Variants in THOP1 observed in about 807,000 individuals in gnomAD.
The protein encoded by THOP1 is thimet oligopeptidase 1, also known as thimet oligopeptidase.
In THOP1, 49 loss-of-function variants were observed where a neutral mutation model predicts 71.8. The observed-to-expected ratio is 0.68, with a 90% CI of 0.54 to 0.87. THOP1 has a LOEUF of 0.87. Among genes scored for constraint, THOP1 ranks in the 40% least tolerant of loss-of-function variants. The probability of loss-of-function intolerance (pLI) is 0.00; values close to 1 mark genes in which losing one functional copy is unlikely to be tolerated. For missense variants in THOP1, 843 were observed against 975.6 expected (o/e 0.86, Z 1.81); for synonymous variants, 426 against 421.5 (o/e 1.01, Z -0.13).
chr19:2,786,981 T>G (rs1915759819), intron 1 of THOP1: 2 of 151,288 alleles, frequency 1.3e-5, no homozygotes, highest in African/African-American at 4.9e-5. Flanking sequence ...GATCTCCATC[T>G]CCTGACCTCG....
At chr19:2,791,245 C>T (rs1232089458) in intron 2 of THOP1, among the ~76,000 whole-genome samples, 2 of 152,218 alleles carry the variant, frequency 1.3e-5, no homozygotes, top group African/African-American at 4.8e-5. Context: ...GCTTCCCGAG[C>T]TCTGCCTAAG....
At position 2,800,121 on chromosome 19, in the gene THOP1, T is replaced by G. The variant is rs116797320; in HGVS notation, c.589+330T>G. Among the ~76,000 whole-genome samples, 852 of 152,340 alleles carry G rather than the reference T, an allele frequency of 5.6e-3. 8 individuals carry two copies. Among genetic ancestry groups the G allele is most frequent in the African/African-American group, 0.02 (817 of 41,588 alleles). On this transcript the variant is annotated intron_variant, in intron 5 of 12. Transcript: ENST00000307741. ...AGGGTGCCAGTCTCAGCCATGGCCC[T>G]GAGGGAACCACAATTTTCCCTTGAG...
At chr19:2,807,986 T>A in intron 8 of THOP1, 178 bp downstream of exon 8, 1 of 839,208 alleles carries the variant, frequency 1.2e-6, no homozygotes, top group South Asian at 2.0e-5. Flanking sequence ...CTGTCCCCGT[T>A]TCCAGTCTCA....
At chr19:2,810,910 C>T (rs1916446673) in intron 11 of THOP1, 142 bp downstream of exon 11, 2 of 1,339,176 alleles carry the variant, frequency 1.5e-6, no homozygotes, top group African/African-American at 2.9e-5. Context: ...TCCCAGGCTC[C>T]TCGGGGGACA....
At position 2,805,394 on chromosome 19, in the gene THOP1, G is replaced by A. The variant is rs1916265797; in HGVS notation, c.750+218G>A. 6.6e-6 allele frequency among the ~76,000 whole-genome samples: 1 copy of A among 152,222 alleles called. No individual in the cohort carries two copies. Among genetic ancestry groups the A allele is most frequent in the African/African-American group, 2.4e-5 (1 of 41,450 alleles). ...ACCCAGACCCTGGGGCCACAGCTCA[G>A]GGCCCAGTTCATCCTTCCCAAGCTG... On this transcript the variant is annotated intron_variant, in intron 6 of 12. Transcript: ENST00000307741. The surrounding 1 kb of genome is among the most constrained non-coding windows in gnomAD (Gnocchi z 6.6).
In THOP1 at chr19:2,813,128, A is replaced by G; in HGVS notation, c.1922A>G (p.Tyr641Cys). 5 of 1,610,358 alleles carry G rather than the reference A, an allele frequency of 3.1e-6. No individual in the cohort carries two copies. Among genetic ancestry groups the G allele is most frequent in the Non-Finnish European group, 4.2e-6 (5 of 1,178,832 alleles). The change falls in exon 13 of 13, where the codon TAC becomes TGC. Residue 641 changes from tyrosine to cysteine, a missense_variant. Transcript: ENST00000307741. ...GVLNSKVGMD[Y>C]RSCILRPGGS... is the part of the protein sequence containing the mutation. ...TCTCCTCGGCAGGTTGGCATGGATT[A>G]CAGAAGCTGCATCCTGAGACCCGGC...
intron 1 of THOP1, among the ~76,000 whole-genome samples, chr19:2,789,363 G>T (rs762385296): frequency 3.9e-5 from 6 of 152,146 alleles, no homozygotes; most frequent in Non-Finnish European, 5.9e-5. Context: ...CGCCCTTCCC[G>T]CAGCTGCTCT....
chr19:2,804,341 C>CAG lies in THOP1; in HGVS notation c.590-674_590-673dup, dbSNP rs1321027081. ...AGGGGTTTTGTGGGTGGAGAAGGGA[C>CAG]AGCAGGGCTCCAGTGAGAAGCTCTG... On this transcript the variant is annotated intron_variant, in intron 5 of 12. Transcript: ENST00000307741. The surrounding 1 kb of genome is among the most constrained non-coding windows in gnomAD (Gnocchi z 4.7). 6.6e-6 allele frequency among the ~76,000 whole-genome samples: 1 copy of CAG among 152,178 alleles called. No individual in the cohort carries two copies. The highest frequency in any genetic ancestry group is 6.5e-5 in the Admixed American group (1 of 15,276).
intron 2 of THOP1, among the ~76,000 whole-genome samples, chr19:2,792,642 A>G (rs775561407): frequency 6.6e-6 from 1 of 151,392 alleles, no homozygotes; most frequent in Non-Finnish European, 1.5e-5. Flanking sequence ...TATTATTATT[A>G]GGGTTTTTTT....
chr19:2,796,310 CT>C (rs1916012094), intron 4 of THOP1, 122 bp downstream of exon 4: 1 of 774,622 alleles, frequency 1.3e-6, no homozygotes, highest in African/African-American at 1.8e-5. Context: ...AGGGGGAGTG[CT>C]GGGCTCGGGG....
rs1293326348 is a variant in THOP1, at chr19:2,796,107, G to T, written c.405G>T (p.Arg135Ser). 5 of 1,613,910 alleles carry T rather than the reference G, an allele frequency of 3.1e-6. No homozygotes were observed. In the Admixed American group the frequency reaches 5.0e-5, roughly 16 times the overall value. The change falls in exon 4 of 13, where the codon AGG becomes AGT. Residue 135 changes from arginine (R) to serine (S), a missense_variant. Coordinates refer to ENST00000307741, the MANE Select transcript of THOP1 (RefSeq NM_003249.5). ...LQEKVQKDSL[R>S]PEAARYLERL... ...AGAAAGTTCAGAAGGACTCACTGAG[G>T]CCCGAGGCTGCGCGGTACCTGGAGC... is the stretch of plus-strand genomic sequence containing the variant.
intron 5 of THOP1, among the ~76,000 whole-genome samples, chr19:2,802,767 G>T (rs1210330685): frequency 6.6e-6 from 1 of 152,212 alleles, no homozygotes; most frequent in South Asian, 2.1e-4. Flanking sequence ...CTGGGCATCA[G>T]TCATCCTGCC....
intron 4 of THOP1, among the ~76,000 whole-genome samples, chr19:2,796,591 C>T (rs546559331): frequency 4.0e-5 from 5 of 123,720 alleles, no homozygotes; most frequent in South Asian, 2.8e-4. Flanking sequence ...GGGGAGTACT[C>T]GGCATGGGGA....
At chr19:2,798,606 G>A (rs112494162) in intron 4 of THOP1, among the ~76,000 whole-genome samples, 28 of 152,370 alleles carry the variant, frequency 1.8e-4, no homozygotes, top group African/African-American at 6.7e-4. Flanking sequence ...GGCAAGAGGG[G>A]GAGACATTGG....
intron 1 of THOP1, among the ~76,000 whole-genome samples, chr19:2,786,775 T>TTTTTTTTTTTTTTG: frequency 6.9e-6 from 1 of 144,554 alleles, no homozygotes; most frequent in Admixed American, 6.8e-5. Flanking sequence ...ATTTTTTTTT[T>TTTTTTTTTTTTTTG]TTTTTGGAGA....
chr19:2,796,088 T>C lies in THOP1; in HGVS notation c.386T>C (p.Val129Ala). ...TTGATGTTTTTATTCCAGGAGAAAGTTCAGAAGGACTCACTGAGGCCCGAG... is the reference window on the plus strand; with the variant it reads ...TTGATGTTTTTATTCCAGGAGAAAGCTCAGAAGGACTCACTGAGGCCCGAG... ...YQRIVWLQEK[V>A]QKDSLRPEAA... The change falls in exon 4 of 13, where the codon GTT (valine) becomes GCT (alanine). Residue 129 changes from valine (V) to alanine (A), a missense_variant. Transcript: ENST00000307741. 6.2e-7 allele frequency: 1 copy of C among 1,613,484 alleles called. No individual in the cohort carries two copies. Among genetic ancestry groups the C allele is most frequent in the East Asian group, 2.2e-5 (1 of 44,872 alleles).
At chr19:2,809,648 G>A (rs923781409) in intron 9 of THOP1, 4 of 152,632 alleles carry the variant, frequency 2.6e-5, no homozygotes, top group Non-Finnish European at 4.4e-5. Context: ...GCCAGCACAC[G>A]CGTGTGCACA....
At position 2,799,932 on chromosome 19, in the gene THOP1, C is replaced by T. The variant is rs547318477; in HGVS notation, c.589+141C>T. The T allele has an allele frequency of 2.6e-5, 18 of 699,800 alleles. No homozygotes were observed. The East Asian group carries it at 2.7e-4, about 11-fold the overall frequency. 43.3% of individuals were successfully genotyped at this position (699,800 alleles called of 1,614,324 possible). ...GGAGGCCGAAGTACGTGGACCTGAC[C>T]GCCCTGGGCTGAGGACTTTCCTCAC... On this transcript the variant is annotated intron_variant, in intron 5 of 12. Transcript: ENST00000307741.
In THOP1 at chr19:2,804,018, A is replaced by G. The variant is rs1916225212; in HGVS notation, c.590-998A>G. On this transcript the variant is annotated intron_variant, in intron 5 of 12. Coordinates refer to ENST00000307741, the MANE Select transcript of THOP1 (RefSeq NM_003249.5). This position sits in a 1 kb window ranked among gnomAD's most constrained non-coding sequence, Gnocchi z 4.7. Reference sequence around the variant, plus strand: ...GCTCCCGATCGTTCTTTCTACCCCTACTGCTCTGGGGTCCGTGTGAGCTCC... The same window carrying G: ...GCTCCCGATCGTTCTTTCTACCCCTGCTGCTCTGGGGTCCGTGTGAGCTCC... 6.7e-6 allele frequency among the ~76,000 whole-genome samples: 1 copy of G among 148,436 alleles called. No individual in the cohort carries two copies. Among genetic ancestry groups the G allele is most frequent in the Non-Finnish European group, 1.5e-5 (1 of 67,354 alleles).
Sources: allele counts gnomAD v4.1 joint callset (sites outside exome capture counted in the v4.1 genomes callset), GRCh38; gene constraint gnomAD v4.1.1; non-coding constraint Gnocchi (gnomAD v3.1); transcripts MANE v1.5; gene names NCBI Gene and HGNC (gene_info 2026-07-23, HGNC 2026-07-21).